Variants in TAFA1 observed in about 807,000 individuals in gnomAD.
TAFA1 encodes TAFA chemokine like family member 1, also known as chemokine-like protein TAFA-1.
A neutral mutation model predicts 18.5 loss-of-function variants in TAFA1; 4 were observed. That is an observed-to-expected ratio of 0.22 (90% CI 0.11 to 0.49). The LOEUF is 0.49. TAFA1 is among the 20% of genes least tolerant of loss of function. The pLI, the probability that TAFA1 is intolerant of heterozygous loss-of-function variation, is 0.98. For synonymous variants in TAFA1, 56 were observed against 55.2 expected, an observed-to-expected ratio of 1.01 and a Z score of -0.06; for missense variants, 147 against 169.0, an observed-to-expected ratio of 0.87 and a Z score of 0.72.
intron 3 of TAFA1, among the ~76,000 whole-genome samples, chr3:68,495,102 A>G (rs976722589): frequency 1.3e-5 from 2 of 152,182 alleles, no homozygotes; most frequent in Non-Finnish European, 2.9e-5. Flanking sequence ...TCTGTATATA[A>G]AAATCCCAGT....
At chr3:68,347,066 T>C (rs2069175271) in intron 2 of TAFA1, among the ~76,000 whole-genome samples, 3 of 152,212 alleles carry the variant, frequency 2.0e-5, no homozygotes, top group African/African-American at 7.2e-5. Flanking sequence ...TTTCATCTTA[T>C]GTCACCTACT....
chr3:68,423,777 A>T (rs766270528), intron 3 of TAFA1, among the ~76,000 whole-genome samples: 1 of 148,974 alleles, frequency 6.7e-6, no homozygotes, highest in Non-Finnish European at 1.5e-5. Flanking sequence ...AACATGGACA[A>T]ATATGGGGGG....
At chr3:68,099,895 T>A (rs6548982) in intron 2 of TAFA1, among the ~76,000 whole-genome samples, 137,894 of 152,144 alleles carry the variant, frequency 0.91, 62,677 homozygotes, top group South Asian at 0.95. Flanking sequence ...ATTAACACAG[T>A]AACAGAAAAG....
At chr3:68,395,840 G>T (rs1472991632) in intron 2 of TAFA1, among the ~76,000 whole-genome samples, 1 of 151,924 alleles carries the variant, frequency 6.6e-6, no homozygotes, top group African/African-American at 2.4e-5. Context: ...ACTATTAGGA[G>T]AAATACCTAA....
chr3:68,478,402 A>G (rs1292033879), intron 3 of TAFA1, among the ~76,000 whole-genome samples: 1 of 152,222 alleles, frequency 6.6e-6, no homozygotes, highest in South Asian at 2.1e-4. Context: ...TCTATGACAT[A>G]AAGTGGAAAT....
intron 3 of TAFA1, among the ~76,000 whole-genome samples, chr3:68,456,886 G>T (rs2071676983): frequency 6.6e-6 from 1 of 152,078 alleles, no homozygotes; most frequent in African/African-American, 2.4e-5. Context: ...ACTTTTTCTT[G>T]TAATGTCATG....
intron 3 of TAFA1, among the ~76,000 whole-genome samples, chr3:68,495,823 A>C (rs1285845595): frequency 6.6e-6 from 1 of 152,140 alleles, no homozygotes; most frequent in African/African-American, 2.4e-5. Flanking sequence ...CAAGAAAGGA[A>C]TTTACATGAA....
intron 2 of TAFA1, among the ~76,000 whole-genome samples, chr3:68,260,611 T>G (rs2067397060): frequency 6.6e-6 from 1 of 151,978 alleles, no homozygotes; most frequent in Non-Finnish European, 1.5e-5. Context: ...TCAGAAATAA[T>G]GCCGCATATC....
the TAFA1 span, among the ~76,000 whole-genome samples, chr3:67,999,056 T>G: frequency 3.9e-5 from 6 of 152,190 alleles, no homozygotes; most frequent in African/African-American, 1.4e-4. Context: ...GGCTGGTGTA[T>G]TCTAGAACTG....
intron 2 of TAFA1, among the ~76,000 whole-genome samples, chr3:68,074,496 TCTCAATTTCCTCATCAATAAAAAGA>T (rs2064800082): frequency 6.6e-6 from 1 of 152,066 alleles, no homozygotes; most frequent in Admixed American, 6.6e-5. Flanking sequence ...CTTCTTGAAG[TCTCAATTTCCTCATCAATAAAAAGA>T]AGGAAAACAA....
chr3:68,079,077 A>T (rs1173583712), intron 2 of TAFA1, among the ~76,000 whole-genome samples: 2 of 152,186 alleles, frequency 1.3e-5, no homozygotes, highest in African/African-American at 4.8e-5. Flanking sequence ...CACTTCTTCT[A>T]GATTTTCTAG....
chr3:68,520,992 C>G (rs182096614), intron 3 of TAFA1, among the ~76,000 whole-genome samples: 1 of 152,116 alleles, frequency 6.6e-6, no homozygotes, highest in African/African-American at 2.4e-5. Context: ...AGCAGAATGC[C>G]CAACTGAAGC....
At chr3:68,268,651 C>T (rs138569548) in intron 2 of TAFA1, among the ~76,000 whole-genome samples, 5 of 152,214 alleles carry the variant, frequency 3.3e-5, no homozygotes, top group East Asian at 3.9e-4. Flanking sequence ...CAGGGTCAAA[C>T]GAAGCCCTTT....
At chr3:68,318,695 C>T (rs941848151) in intron 2 of TAFA1, among the ~76,000 whole-genome samples, 4 of 152,162 alleles carry the variant, frequency 2.6e-5, no homozygotes, top group African/African-American at 9.7e-5. Context: ...ATCTCTTATA[C>T]TGTTTGAGAA....
At chr3:68,169,056 ATACTG>A (rs1486460600) in intron 2 of TAFA1, among the ~76,000 whole-genome samples, 1 of 152,114 alleles carries the variant, frequency 6.6e-6, no homozygotes, top group Non-Finnish European at 1.5e-5. Context: ...GACAAAATAG[ATACTG>A]TAGTAGTTAG....
intron 2 of TAFA1, among the ~76,000 whole-genome samples, chr3:68,015,444 G>A (rs1053767248): frequency 3.3e-5 from 5 of 151,922 alleles, no homozygotes; most frequent in Non-Finnish European, 7.4e-5. Context: ...ATGCCACCAT[G>A]CCCAGCTAAT....
rs564705560 is a variant in TAFA1 at position 68,438,828 on chromosome 3, T to C, written c.259+21408T>C. On this transcript the variant is annotated intron_variant, in intron 3 of 4. Transcript: ENST00000478136. The stretch of plus-strand genomic sequence containing the variant: ...GGCTTGCATCTTCTGGGGAGTGGGT[T>C]TCATCTCAATTAAGGCCACTTGAGC... 3.0e-4 allele frequency among the ~76,000 whole-genome samples: 45 copies of C among 152,182 alleles called. No homozygotes were observed. In the South Asian group the frequency reaches 8.9e-3, roughly 30 times the overall value.
chr3:68,294,791 C>T (rs1176384451), intron 2 of TAFA1, among the ~76,000 whole-genome samples: 3 of 152,044 alleles, frequency 2.0e-5, no homozygotes. Context: ...GTGGGTGGAT[C>T]GTTTGAGCCT....
At chr3:68,443,085 G>A (rs1477963663) in intron 3 of TAFA1, among the ~76,000 whole-genome samples, 1 of 152,060 alleles carries the variant, frequency 6.6e-6, no homozygotes, top group East Asian at 1.9e-4. Flanking sequence ...AGAGAGTAGA[G>A]AAGGCCCATC....
Sources: allele counts gnomAD v4.1 joint callset (sites outside exome capture counted in the v4.1 genomes callset), GRCh38; gene constraint gnomAD v4.1.1; transcripts MANE v1.5; gene names NCBI Gene and HGNC (gene_info 2026-07-23, HGNC 2026-07-21).